Variants in CNOT1 observed in about 807,000 individuals in gnomAD.
CNOT1 encodes CCR4-associated factor 1.
Under a neutral mutation model 273.8 loss-of-function variants are expected in CNOT1, and 15 were observed. That is an observed-to-expected ratio of 0.05 (90% CI 0.04 to 0.08). The LOEUF is 0.08. Among genes scored for constraint, CNOT1 ranks in the 10% least tolerant of loss-of-function variants. The pLI is 1.00. For synonymous variants in CNOT1, 1,022 were observed against 1,005.5 expected, an observed-to-expected ratio of 1.02 and a Z score of -0.31; for missense variants, 1,644 against 2,912.2, an observed-to-expected ratio of 0.56 and a Z score of 10.02.
At chr16:58,548,152 G>A (rs1238642105) in intron 25 of CNOT1, among the ~76,000 whole-genome samples, 2 of 152,168 alleles carry the variant, frequency 1.3e-5, no homozygotes, top group South Asian at 2.1e-4. Flanking sequence ...GCAATCTTCA[G>A]TATACCCAGG....
At chr16:58,563,847 C>T (rs2040944837) in intron 16 of CNOT1, among the ~76,000 whole-genome samples, 1 of 152,140 alleles carries the variant, frequency 6.6e-6, no homozygotes, top group Non-Finnish European at 1.5e-5. Context: ...ATGAATTTAC[C>T]TATTATTCTG....
At chr16:58,523,332 T>C in intron 47 of CNOT1, 38 bp downstream of exon 47, 2 of 1,529,508 alleles carry the variant, frequency 1.3e-6, no homozygotes, top group Non-Finnish European at 1.8e-6. Flanking sequence ...AGGGAGGAGA[T>C]CCTTTTGAAG....
At chr16:58,525,033 T>C (rs939924482) in intron 46 of CNOT1, 146 bp downstream of exon 46, 25 of 726,050 alleles carry the variant, frequency 3.4e-5, no homozygotes, top group South Asian at 9.1e-5. Flanking sequence ...CAATTAAAGA[T>C]AAAATAATCA....
rs1159420706 is a variant in CNOT1 at position 58,572,727 on chromosome 16, G to A, written c.1979+1882C>T. ...GTTCGAGACCAGCCTGCCCAACATG[G>A]TGAAACCCCATCTCTACTAAAAATA... On this transcript the variant is annotated intron_variant, in intron 16 of 48. Transcript: ENST00000317147. Among the ~76,000 whole-genome samples the A allele has an allele frequency of 2.0e-5, 3 of 151,922 alleles. No homozygotes were observed. In the East Asian group the frequency reaches 5.8e-4, roughly 29 times the overall value.
intron 16 of CNOT1, among the ~76,000 whole-genome samples, chr16:58,566,939 T>C (rs555623083): frequency 9.2e-5 from 14 of 152,094 alleles, no homozygotes; most frequent in Admixed American, 1.3e-4. Context: ...CCTAGTATCA[T>C]TGGTTTCTAC....
chr16:58,618,999 G>A (rs900715159), intron 1 of CNOT1, among the ~76,000 whole-genome samples: 2 of 152,020 alleles, frequency 1.3e-5, no homozygotes, highest in Non-Finnish European at 1.5e-5. Context: ...GCAAGGCCAG[G>A]CTGAGCAACA....
intron 1 of CNOT1, among the ~76,000 whole-genome samples, chr16:58,612,003 T>C (rs1239294043): frequency 3.9e-5 from 6 of 152,054 alleles, no homozygotes; most frequent in African/African-American, 1.4e-4. Context: ...CTTGCTCTGT[T>C]ATCCAGGCTG....
At position 58,566,468 on chromosome 16, in the gene CNOT1, C is replaced by T. The variant is rs554812301; in HGVS notation, c.1980-6106G>A. 3.3e-4 allele frequency among the ~76,000 whole-genome samples: 50 copies of T among 152,246 alleles called. 1 individual carries two copies. The highest frequency in any genetic ancestry group is 2.3e-3 in the South Asian group (11 of 4,826). The stretch of plus-strand genomic sequence containing the variant: ...GCCTTCTTACAATAAAAACATTTTG[C>T]GCAATTTTAACAGGCAATTAACTTT... On this transcript the variant is annotated intron_variant, in intron 16 of 48. Transcript: ENST00000317147.
chr16:58,586,689 C>T lies in CNOT1; in HGVS notation c.493G>A (p.Val165Ile), dbSNP rs764993877. 1.9e-6 allele frequency: 3 copies of T among 1,613,288 alleles called. No homozygotes were observed. The highest frequency in any genetic ancestry group is 2.2e-5 in the South Asian group (2 of 91,066). Residue 165 changes from valine to isoleucine, a missense_variant, in exon 7 of 49, where the codon GTC becomes ATC. Transcript: ENST00000317147. ...AAGCCACCTTCTTGATTTCCACTGA[C>T]GTCTGCGTCAATGTAAGAACGCAGA... is the stretch of plus-strand genomic sequence containing the variant. ...DLLRSYIDADVSGNQEGGFQD... is the reference protein window; with the variant it reads ...DLLRSYIDADISGNQEGGFQD...
chr16:58,548,584 C>G (rs779182392), intron 25 of CNOT1: 13 of 519,154 alleles, frequency 2.5e-5, no homozygotes, highest in Admixed American at 3.9e-5. Context: ...TGCACTACAG[C>G]GTAACCAAGA....
At chr16:58,572,774 G>T (rs1260382645) in intron 16 of CNOT1, among the ~76,000 whole-genome samples, 1 of 151,692 alleles carries the variant, frequency 6.6e-6, no homozygotes, top group African/African-American at 2.4e-5. Context: ...TGGGAGGGGT[G>T]GCATGTCTCT....
chr16:58,543,411 G>GAAA (rs5817153), intron 31 of CNOT1, 196 bp downstream of exon 31: 16 of 1,347,840 alleles, frequency 1.2e-5, no homozygotes, highest in South Asian at 6.2e-5. Flanking sequence ...GAATATAACA[G>GAAA]AAAAAAAAAA....
chr16:58,610,703 C>T (rs958742937), intron 1 of CNOT1, among the ~76,000 whole-genome samples: 3 of 151,970 alleles, frequency 2.0e-5, no homozygotes, highest in Admixed American at 6.6e-5. Context: ...ATTACCCAGA[C>T]GTGGTGGCAG....
At chr16:58,525,923 C>A (rs909077292) in intron 45 of CNOT1, 66 bp downstream of exon 45, 35 of 1,374,420 alleles carry the variant, frequency 2.5e-5, no homozygotes, top group Non-Finnish European at 3.5e-5. Context: ...GGACCACACA[C>A]AGGACCATAC....
At chr16:58,606,296 G>A (rs1032974073) in intron 1 of CNOT1, among the ~76,000 whole-genome samples, 2 of 151,932 alleles carry the variant, frequency 1.3e-5, no homozygotes, top group Admixed American at 6.6e-5. Flanking sequence ...GGCACACACT[G>A]GTAGTCCCTG....
chr16:58,546,838 G>T, intron 27 of CNOT1, 89 bp from the exon 28 acceptor site: 1 of 1,501,384 alleles, frequency 6.7e-7, no homozygotes. Flanking sequence ...TAAGGGGGTA[G>T]GGGGGAGTCA....
intron 1 of CNOT1, among the ~76,000 whole-genome samples, chr16:58,620,077 C>A (rs2043254283): frequency 6.6e-6 from 1 of 152,088 alleles, no homozygotes; most frequent in Non-Finnish European, 1.5e-5. Context: ...GTATCGATTT[C>A]CAAGAATGCT....
chr16:58,522,582 C>T (rs1377765684), intron 47 of CNOT1, among the ~76,000 whole-genome samples: 2 of 152,176 alleles, frequency 1.3e-5, no homozygotes, highest in Admixed American at 6.5e-5. Context: ...ATCACAATCT[C>T]TCTAATGCTA....
chr16:58,531,720 G>A (rs2039784189), intron 42 of CNOT1, among the ~76,000 whole-genome samples: 1 of 151,956 alleles, frequency 6.6e-6, no homozygotes, highest in African/African-American at 2.4e-5. Flanking sequence ...AAAAACTTGA[G>A]AGACTGACAC....
Sources: gnomAD v4.1 joint callset for allele counts (sites outside exome capture counted in the v4.1 genomes callset) on GRCh38, gnomAD v4.1.1 for gene constraint, MANE v1.5 for transcripts, NCBI Gene and HGNC (gene_info 2026-07-23, HGNC 2026-07-21) for gene names.